Variants in CDH13 observed in about 807,000 individuals in gnomAD.
The protein encoded by CDH13 is cadherin 13, also known as cadherin-13.
A neutral mutation model predicts 63.8 loss-of-function variants in CDH13; 24 were observed. That is an observed-to-expected ratio of 0.38 (90% CI 0.27 to 0.53). CDH13 has a LOEUF of 0.53. CDH13 is among the 20% of genes least tolerant of loss of function. The pLI, the probability that CDH13 is intolerant of heterozygous loss-of-function variation, is 0.85. For missense variants in CDH13, 1,049 were observed against 903.1 expected, an observed-to-expected ratio of 1.16 and a Z score of -2.07; for synonymous variants, 503 against 355.3, an observed-to-expected ratio of 1.42 and a Z score of -4.67.
At chr16:83,658,716 G>A (rs1486864509) in intron 8 of CDH13, among the ~76,000 whole-genome samples, 3 of 149,982 alleles carry the variant, frequency 2.0e-5, no homozygotes, top group Non-Finnish European at 4.4e-5. Flanking sequence ...TCACCAGCAA[G>A]GTCTCATGTC....
chr16:83,321,713 A>T (rs962240731), intron 5 of CDH13, among the ~76,000 whole-genome samples: 7 of 152,074 alleles, frequency 4.6e-5, no homozygotes, highest in Non-Finnish European at 7.4e-5. Flanking sequence ...TATTTTTAGT[A>T]GAGACAGGGT....
At chr16:83,100,021 G>A (rs114964197) in intron 3 of CDH13, among the ~76,000 whole-genome samples, 1 of 152,204 alleles carries the variant, frequency 6.6e-6, no homozygotes, top group African/African-American at 2.4e-5. Flanking sequence ...CTAACAGTCA[G>A]TAAACACAAT....
In CDH13 at chr16:83,350,633, C is replaced by T. The variant is rs187697824; in HGVS notation, c.781+5627C>T. 1.9e-3 allele frequency among the ~76,000 whole-genome samples: 282 copies of T among 152,310 alleles called. 1 individual carries two copies. The highest frequency in any genetic ancestry group is 3.2e-3 in the Non-Finnish European group (216 of 68,034). On this transcript the variant is annotated intron_variant, in intron 6 of 13. Coordinates refer to ENST00000567109, the MANE Select transcript of CDH13 (RefSeq NM_001257.5). ...TATTCTAAGCTCTGAATGTGCAACA[C>T]TGGACCTGGCAGGTGCTGCTTGTTC...
chr16:82,791,630 C>A (rs989948994), intron 1 of CDH13, among the ~76,000 whole-genome samples: 24 of 152,188 alleles, frequency 1.6e-4, no homozygotes, highest in Non-Finnish European at 3.4e-4. Context: ...GTCGCAGACC[C>A]GTGGCTGACT....
chr16:82,764,748 A>G (rs1290827556), intron 1 of CDH13, among the ~76,000 whole-genome samples: 2 of 151,600 alleles, frequency 1.3e-5, no homozygotes, highest in Non-Finnish European at 2.9e-5. Flanking sequence ...GTGTCCCTTT[A>G]TCTCTTTATC....
At chr16:83,308,635 T>C (rs1466614607) in intron 5 of CDH13, among the ~76,000 whole-genome samples, 2 of 152,218 alleles carry the variant, frequency 1.3e-5, no homozygotes, top group African/African-American at 2.4e-5. Context: ...CACAGATCCA[T>C]GGAAAGAACC....
At chr16:83,033,150 C>A (rs1461412720) in intron 3 of CDH13, among the ~76,000 whole-genome samples, 2 of 152,108 alleles carry the variant, frequency 1.3e-5, no homozygotes, top group Non-Finnish European at 2.9e-5. Context: ...ATGTATACAT[C>A]CACATTTAAT....
At chr16:83,169,924 C>T (rs1360509280) in intron 4 of CDH13, among the ~76,000 whole-genome samples, 1 of 152,042 alleles carries the variant, frequency 6.6e-6, no homozygotes, top group African/African-American at 2.4e-5. Flanking sequence ...ACATCTGATT[C>T]TTCAGTCCCT....
chr16:82,963,257 T>G (rs1354699641), intron 2 of CDH13, among the ~76,000 whole-genome samples: 2 of 150,842 alleles, frequency 1.3e-5, no homozygotes, highest in South Asian at 2.1e-4. Context: ...TGGGCACCTG[T>G]AATCCCAGCT....
At chr16:83,044,230 A>G (rs1917580520) in intron 3 of CDH13, among the ~76,000 whole-genome samples, 1 of 152,230 alleles carries the variant, frequency 6.6e-6, no homozygotes, top group African/African-American at 2.4e-5. Flanking sequence ...TCCATCAGTA[A>G]GTGGCAGGAC....
intron 4 of CDH13, among the ~76,000 whole-genome samples, 158 bp downstream of exon 4, chr16:83,125,659 C>A (rs1191507975): frequency 6.6e-6 from 1 of 152,174 alleles, no homozygotes; most frequent in Non-Finnish European, 1.5e-5. Flanking sequence ...GTTGGAAGAT[C>A]ATTCATATGC....
intron 2 of CDH13, among the ~76,000 whole-genome samples, chr16:82,919,940 A>C (rs1036207227): frequency 3.3e-5 from 5 of 152,238 alleles, no homozygotes; most frequent in Admixed American, 3.3e-4. Flanking sequence ...ACGTTTTGTG[A>C]ATTTTAAGAG....
chr16:83,625,680 C>T (rs531605633), intron 8 of CDH13, among the ~76,000 whole-genome samples: 2 of 152,298 alleles, frequency 1.3e-5, no homozygotes, highest in South Asian at 4.1e-4. Flanking sequence ...TTAGCTGGAG[C>T]ACATCTGACC....
chr16:83,667,793 G>T (rs1914131903), intron 8 of CDH13, among the ~76,000 whole-genome samples: 1 of 152,012 alleles, frequency 6.6e-6, no homozygotes, highest in South Asian at 2.1e-4. Context: ...GAGTATGTGG[G>T]ACGACAGGCA....
intron 7 of CDH13, among the ~76,000 whole-genome samples, chr16:83,565,577 A>G (rs1428138295): frequency 6.6e-6 from 1 of 152,018 alleles, no homozygotes; most frequent in Non-Finnish European, 1.5e-5. Flanking sequence ...GCAGTGGAAC[A>G]TCTGAGCAAT....
At chr16:83,423,391 CA>C (rs1231050391) in intron 6 of CDH13, among the ~76,000 whole-genome samples, 1 of 152,106 alleles carries the variant, frequency 6.6e-6, no homozygotes, top group African/African-American at 2.4e-5. Context: ...TCAATGGCAT[CA>C]CCATTGTGTG....
intron 2 of CDH13, among the ~76,000 whole-genome samples, chr16:82,980,465 G>C (rs149291307): frequency 1.5e-3 from 235 of 152,276 alleles, no homozygotes; most frequent in African/African-American, 5.4e-3. Flanking sequence ...GATTGAAGAT[G>C]ATTAAACACA....
chr16:82,962,741 A>T (rs1464638631), intron 2 of CDH13, among the ~76,000 whole-genome samples: 3 of 152,178 alleles, frequency 2.0e-5, no homozygotes, highest in African/African-American at 7.2e-5. Flanking sequence ...GTTTCATTAA[A>T]TTTTTTGGTT....
At chr16:83,456,654 G>GTGTT in intron 6 of CDH13, among the ~76,000 whole-genome samples, 3 of 152,278 alleles carry the variant, frequency 2.0e-5, no homozygotes, top group Admixed American at 2.0e-4. Context: ...AGTGAATGAT[G>GTGTT]TGTTGCATCA....
Sources: gnomAD v4.1 joint callset for allele counts (sites outside exome capture counted in the v4.1 genomes callset) on GRCh38, gnomAD v4.1.1 for gene constraint, MANE v1.5 for transcripts, NCBI Gene and HGNC (gene_info 2026-07-23, HGNC 2026-07-21) for gene names.